The following CPQ variants were observed in gnomAD, a reference collection of about 807,000 sequenced individuals.
CPQ encodes the protein carboxypeptidase Q.
In CPQ, 37 loss-of-function variants were observed where a neutral mutation model predicts 45.7. The ratio of observed to expected loss-of-function variants is 0.81; its 90% CI spans 0.62 to 1.07. The LOEUF is 1.07. Among genes scored for constraint, CPQ ranks in the 50% least tolerant of loss-of-function variants. The pLI is 0.00. For missense variants in CPQ, 537 were observed against 572.9 expected (o/e 0.94, Z 0.64); for synonymous variants, 186 against 205.8 (o/e 0.90, Z 0.82).
chr8:96,695,008 C>T (rs558676706), intron 1 of CPQ, among the ~76,000 whole-genome samples: 1 of 151,864 alleles, frequency 6.6e-6, no homozygotes, highest in Non-Finnish European at 1.5e-5. Flanking sequence ...AAGAACAAAG[C>T]TGGAGGCATC....
intron 6 of CPQ, among the ~76,000 whole-genome samples, chr8:97,037,446 G>C (rs145393736): frequency 6.6e-6 from 1 of 152,138 alleles, no homozygotes; most frequent in Non-Finnish European, 1.5e-5. Context: ...TATCTTTAAT[G>C]TTCTGTGCAG....
chr8:96,971,372 A>T (rs1343135717), intron 5 of CPQ, among the ~76,000 whole-genome samples: 1 of 152,212 alleles, frequency 6.6e-6, no homozygotes, highest in Non-Finnish European at 1.5e-5. Context: ...ACACTATCTG[A>T]GTCTATTTTT....
chr8:96,730,866 C>CATACATACATATATATATATATAT (rs56216136), intron 1 of CPQ, among the ~76,000 whole-genome samples: 12 of 68,692 alleles, frequency 1.7e-4, no homozygotes, highest in Admixed American at 5.0e-4. Flanking sequence ...ACCATACATA[C>CATACATACATATATATATATATAT]ATATATATAT....
chr8:97,073,744 A>G (rs1294700432), intron 7 of CPQ, among the ~76,000 whole-genome samples: 1 of 152,216 alleles, frequency 6.6e-6, no homozygotes, highest in Admixed American at 6.5e-5. Context: ...GAAGATACAG[A>G]CTATAACTAA....
At chr8:97,124,940 A>G (rs1180918805) in intron 7 of CPQ, among the ~76,000 whole-genome samples, 1 of 152,150 alleles carries the variant, frequency 6.6e-6, no homozygotes, top group African/African-American at 2.4e-5. Context: ...AAAATAATAA[A>G]TAATAGAGAA....
At chr8:97,016,417 A>G (rs772036250) in intron 5 of CPQ, among the ~76,000 whole-genome samples, 1 of 152,234 alleles carries the variant, frequency 6.6e-6, no homozygotes, top group Non-Finnish European at 1.5e-5. Context: ...TGCATGCTTT[A>G]GATTAAATGA....
Position 97,041,038 on chromosome 8 carries a change from G to C in CPQ, c.1053+11544G>C, listed in dbSNP as rs1487033192. ...CTGTGAAGAAAGTCATTGGTAGCTT[G>C]ATGGGGATGGCATTGAATCTATAAA... On this transcript the variant is annotated intron_variant, in intron 6 of 7. Transcript: ENST00000220763. Among the ~76,000 whole-genome samples, 25 of 152,290 alleles carry C rather than the reference G, an allele frequency of 1.6e-4. 1 individual carries two copies. In the South Asian group the frequency reaches 2.3e-3, roughly 14 times the overall value.
At chr8:96,962,482 G>C (rs1813477090) in intron 4 of CPQ, among the ~76,000 whole-genome samples, 1 of 152,206 alleles carries the variant, frequency 6.6e-6, no homozygotes, top group Admixed American at 6.5e-5. Flanking sequence ...CAGAGGCAGT[G>C]AAGGGACTGT....
intron 5 of CPQ, among the ~76,000 whole-genome samples, chr8:96,966,455 A>G (rs1310631159): frequency 6.6e-6 from 1 of 152,258 alleles, no homozygotes; most frequent in East Asian, 1.9e-4. Context: ...CATAGAAATA[A>G]AAGAGTAACC....
intron 6 of CPQ, chr8:97,055,743 C>G (rs1418860780): frequency 6.6e-6 from 1 of 152,186 alleles, no homozygotes; most frequent in Non-Finnish European, 1.5e-5. Flanking sequence ...CCAACTCTAC[C>G]AGCACCTTGA....
chr8:96,676,048 A>G (rs982425130), intron 1 of CPQ, among the ~76,000 whole-genome samples: 1 of 152,058 alleles, frequency 6.6e-6, no homozygotes, highest in African/African-American at 2.4e-5. Flanking sequence ...ATATTTTGAT[A>G]CATGCATACA....
chr8:97,099,987 A>G (rs549695783), intron 7 of CPQ, among the ~76,000 whole-genome samples: 2 of 152,334 alleles, frequency 1.3e-5, no homozygotes, highest in East Asian at 1.9e-4. Flanking sequence ...CACCAAGGCA[A>G]CCACATTATT....
chr8:96,938,544 G>T (rs1813083772), intron 4 of CPQ, among the ~76,000 whole-genome samples: 1 of 152,130 alleles, frequency 6.6e-6, no homozygotes, highest in South Asian at 2.1e-4. Flanking sequence ...GAGAGGAAGT[G>T]GTCATGGAAA....
chr8:96,853,517 T>C lies in CPQ; in HGVS notation c.641+18337T>C, dbSNP rs543549474. On this transcript the variant is annotated intron_variant, in intron 3 of 7. Transcript: ENST00000220763. ...CTTCTGAAAGAGCAATATAAGTTTA[T>C]ATTTTAGGTACACAAACAAAGCAGA... Among the ~76,000 whole-genome samples, 68 of 152,310 alleles carry C rather than the reference T, an allele frequency of 4.5e-4. No individual in the cohort carries two copies. The South Asian group carries it at 9.7e-3, about 22-fold the overall frequency.
chr8:96,861,682 T>C (rs1321836562), intron 3 of CPQ, among the ~76,000 whole-genome samples: 1 of 152,134 alleles, frequency 6.6e-6, no homozygotes, highest in African/African-American at 2.4e-5. Context: ...CATATTTATT[T>C]ATTAAACAAA....
intron 3 of CPQ, among the ~76,000 whole-genome samples, chr8:96,857,566 T>C (rs995789405): frequency 3.3e-5 from 5 of 152,222 alleles, no homozygotes; most frequent in Non-Finnish European, 5.9e-5. Flanking sequence ...TGTGGAATGC[T>C]TGAATAGTGC....
At position 97,099,115 on chromosome 8, in the gene CPQ, C is replaced by CTTTTTTT. The variant is rs34830752; in HGVS notation, c.1255+32926_1255+32932dup. Among the ~76,000 whole-genome samples the CTTTTTTT allele has an allele frequency of 1.7e-3, 114 of 66,340 alleles. 14 individuals are homozygous for CTTTTTTT. Among genetic ancestry groups the CTTTTTTT allele is most frequent in the East Asian group, 5.0e-3 (10 of 1,994 alleles). 43.5% of individuals were successfully genotyped at this position (66,340 alleles called of 152,430 possible). A position where few individuals can be genotyped will look rare whatever the true frequency, so the allele number is the denominator to read the frequency against. On this transcript the variant is annotated intron_variant, in intron 7 of 7. Coordinates refer to ENST00000220763, the MANE Select transcript of CPQ (RefSeq NM_016134.4). ...GAAGTCCCAAAACTCCCTTCTCTCT[C>CTTTTTTT]TTTTTTTTTTTTTTTTTTTTTTTTT...
chr8:96,916,570 C>T (rs1812735711), intron 4 of CPQ, among the ~76,000 whole-genome samples: 1 of 152,052 alleles, frequency 6.6e-6, no homozygotes, highest in Admixed American at 6.6e-5. Flanking sequence ...ACCCAGTTCT[C>T]CCACTATTAA....
At position 96,706,896 on chromosome 8, in the gene CPQ, G is replaced by A. The variant is rs535871989; in HGVS notation, c.-35+61494G>A. Among the ~76,000 whole-genome samples, 12 of 152,170 alleles carry A rather than the reference G, an allele frequency of 7.9e-5. 1 individual carries two copies. The South Asian group carries it at 2.3e-3, about 29-fold the overall frequency. On this transcript the variant is annotated intron_variant, in intron 1 of 7. Transcript: ENST00000220763. The stretch of plus-strand genomic sequence containing the variant: ...CATAATCTTCTAGAATAGCCACAAA[G>A]GTAGGAGTAAGCTGAAGTAAAAAGC...
Sources: gnomAD v4.1 joint callset for allele counts (sites outside exome capture counted in the v4.1 genomes callset) on GRCh38, gnomAD v4.1.1 for gene constraint, MANE v1.5 for transcripts, NCBI Gene and HGNC (gene_info 2026-07-23, HGNC 2026-07-21) for gene names.